Variants in MMRN1 observed in about 807,000 individuals in gnomAD.
MMRN1 encodes the protein multimerin 1, also known as multimerin-1.
Under a neutral mutation model 100.7 loss-of-function variants are expected in MMRN1, and 94 were observed. The observed-to-expected ratio is 0.93, with a 90% CI of 0.79 to 1.11. The LOEUF (loss-of-function observed/expected upper bound fraction) is 1.11, where lower values mean the gene tolerates loss of function less well. MMRN1 is among the 50% of genes least tolerant of loss of function. MMRN1 has a pLI of 0.00. For synonymous variants in MMRN1, 575 were observed against 505.0 expected (o/e 1.14, Z -1.86); for missense variants, 1,606 against 1,439.1 (o/e 1.12, Z -1.88).
At chr4:89,908,903 A>G (rs1041167574) in intron 1 of MMRN1, among the ~76,000 whole-genome samples, 5 of 151,322 alleles carry the variant, frequency 3.3e-5, no homozygotes, top group African/African-American at 1.2e-4. Context: ...CTTATGCTTT[A>G]CTGCACATAA....
In MMRN1 at chr4:89,951,770, C is replaced by T. The variant is rs762523540; in HGVS notation, c.3265+19C>T. On this transcript the variant is annotated intron_variant, in intron 7 of 7. Transcript: ENST00000264790. ...GCTCCAGGTAAAAAAAAAGTATACG[C>T]ATCTTTGGATTTGCTCATTGTCATA... 6.2e-6 allele frequency: 10 copies of T among 1,608,046 alleles called. No individual in the cohort carries two copies. The African/African-American group carries it at 9.4e-5, about 15-fold the overall frequency.
At chr4:89,920,740 C>CT (rs1335192232) in intron 3 of MMRN1, among the ~76,000 whole-genome samples, 1 of 151,852 alleles carries the variant, frequency 6.6e-6, no homozygotes, top group East Asian at 1.9e-4. Context: ...AAGTAGAAAG[C>CT]TTAGCAATTT....
chr4:89,886,824 C>T (rs550382512), intron 1 of MMRN1, among the ~76,000 whole-genome samples: 1 of 151,942 alleles, frequency 6.6e-6, no homozygotes, highest in Non-Finnish European at 1.5e-5. Context: ...GGATATTGAT[C>T]ACCTGAAATG....
At position 89,928,645 on chromosome 4, in the gene MMRN1, G is replaced by A. The variant is rs1288176970; in HGVS notation, c.1129+677G>A. 2.0e-5 allele frequency among the ~76,000 whole-genome samples: 3 copies of A among 152,054 alleles called. No individual in the cohort carries two copies. In the South Asian group the frequency reaches 6.2e-4, roughly 32 times the overall value. ...GGACTGAGGTCTCTGTTTTCTTGAT[G>A]TCTGTAAACTGAGGCCCATTCCCAG... On this transcript the variant is annotated intron_variant, in intron 5 of 7. Transcript: ENST00000264790.
Position 89,889,523 on chromosome 4 carries a change from C to G in MMRN1, c.-248-5201C>G, listed in dbSNP as rs145554255. On this transcript the variant is annotated intron_variant, in intron 1 of 8. Transcript: ENST00000394980. ...CAGCCCACAGAATTATTCGAACAAG[C>G]CAGTCACATCCGCCTGTGGGAGCCA... 9.3e-3 allele frequency among the ~76,000 whole-genome samples: 1,413 copies of G among 152,204 alleles called. 8 individuals carry two copies. The highest frequency in any genetic ancestry group is 0.02 in the Middle Eastern group (6 of 294).
At chr4:89,933,452 A>T (rs1722504455) in intron 5 of MMRN1, among the ~76,000 whole-genome samples, 1 of 151,826 alleles carries the variant, frequency 6.6e-6, no homozygotes, top group Non-Finnish European at 1.5e-5. Context: ...ACCATACCCC[A>T]CTCTGTTGGT....
intron 1 of MMRN1, among the ~76,000 whole-genome samples, chr4:89,906,263 A>G (rs1431649566): frequency 1.3e-5 from 2 of 151,576 alleles, no homozygotes; most frequent in Non-Finnish European, 3.0e-5. Flanking sequence ...AGTTTTATGA[A>G]TCATAATAGA....
chr4:89,949,940 G>A (rs1029938753), intron 6 of MMRN1, among the ~76,000 whole-genome samples: 12 of 152,172 alleles, frequency 7.9e-5, no homozygotes, highest in African/African-American at 2.4e-4. Flanking sequence ...CACCTGGTTT[G>A]AAATGAGTGG....
At chr4:89,902,751 A>G (rs1388003138) in intron 1 of MMRN1, among the ~76,000 whole-genome samples, 1 of 152,016 alleles carries the variant, frequency 6.6e-6, no homozygotes, top group Admixed American at 6.6e-5. Context: ...TTCTTCTTAA[A>G]GTCTAAATTA....
chr4:89,922,802 G>T (rs1722131448), intron 3 of MMRN1, among the ~76,000 whole-genome samples: 1 of 152,102 alleles, frequency 6.6e-6, no homozygotes, highest in South Asian at 2.1e-4. Flanking sequence ...AGCCTTTGTG[G>T]CAGTCCACTT....
At chr4:89,922,323 T>C (rs1265744521) in intron 3 of MMRN1, among the ~76,000 whole-genome samples, 1 of 152,026 alleles carries the variant, frequency 6.6e-6, no homozygotes, top group Non-Finnish European at 1.5e-5. Flanking sequence ...GCCAGGCTGG[T>C]CTTGAGCTCC....
At chr4:89,926,025 T>C (rs541321508) in intron 4 of MMRN1, among the ~76,000 whole-genome samples, 1 of 152,328 alleles carries the variant, frequency 6.6e-6, no homozygotes, top group East Asian at 1.9e-4. Flanking sequence ...TCCATTCATC[T>C]GTTGATGGTC....
chr4:89,922,235 G>T (rs970209089), intron 3 of MMRN1, among the ~76,000 whole-genome samples: 3 of 151,996 alleles, frequency 2.0e-5, no homozygotes, highest in Admixed American at 2.0e-4. Flanking sequence ...CTCCCAAGTA[G>T]CTGGAATTAC....
chr4:89,931,357 A>G (rs1304133760), intron 5 of MMRN1, among the ~76,000 whole-genome samples: 1 of 152,160 alleles, frequency 6.6e-6, no homozygotes, highest in African/African-American at 2.4e-5. Context: ...AAACTTACTT[A>G]CAAAATGGAG....
chr4:89,906,834 G>A (rs1721579233), intron 1 of MMRN1, among the ~76,000 whole-genome samples: 1 of 151,438 alleles, frequency 6.6e-6, no homozygotes, highest in African/African-American at 2.4e-5. Context: ...TGAGCAGTCT[G>A]CTGATCTGCT....
At chr4:89,906,554 G>C (rs571021342) in intron 1 of MMRN1, among the ~76,000 whole-genome samples, 1 of 151,576 alleles carries the variant, frequency 6.6e-6, no homozygotes, top group East Asian at 1.9e-4. Flanking sequence ...AGTCTAGAAA[G>C]GTACAAAGGA....
Position 89,895,370 on chromosome 4 carries a change from C to T in MMRN1, c.399C>T (p.Val133=), listed in dbSNP as rs2110578714. The T allele has an allele frequency of 6.2e-7, 1 of 1,613,836 alleles. No homozygotes were observed. Among genetic ancestry groups the T allele is most frequent in the Admixed American group, 1.7e-5 (1 of 59,992 alleles). ...TCAATCCTGGAGCAGAATCAGTGGT[C>T]CTTTCCAATTCTACACTGAAATTTC... ...IKFNPGAESV[V]LSNSTLKFLQ... The change falls in exon 1 of 8, where the codon GTC becomes GTT. Residue 133 remains valine, a synonymous_variant. Transcript: ENST00000264790.
chr4:89,888,965 TTTTA>T lies in MMRN1; in HGVS notation c.-248-5755_-248-5752del, dbSNP rs1305083998. ...TGACCATGAATTACATTTTCTTATTTTTTATTTGTCTTACAATTTTTATTGTATG... is the reference window on the plus strand; with the variant it reads ...TGACCATGAATTACATTTTCTTATTTTTTGTCTTACAATTTTTATTGTATG... On this transcript the variant is annotated intron_variant, in intron 1 of 8. Coordinates refer to the MMRN1 transcript ENST00000394980. 8.5e-5 allele frequency among the ~76,000 whole-genome samples: 13 copies of T among 152,236 alleles called. No individual in the cohort carries two copies. The South Asian group carries it at 1.7e-3, about 19-fold the overall frequency.
chr4:89,924,835 T>G (rs1463548158), intron 4 of MMRN1, among the ~76,000 whole-genome samples: 1 of 152,080 alleles, frequency 6.6e-6, no homozygotes, highest in Non-Finnish European at 1.5e-5. Flanking sequence ...AGAGCGAGAC[T>G]GTCTCAAAAA....
Sources: gnomAD v4.1 joint callset for allele counts (sites outside exome capture counted in the v4.1 genomes callset) on GRCh38, gnomAD v4.1.1 for gene constraint, MANE v1.5 for transcripts, NCBI Gene and HGNC (gene_info 2026-07-23, HGNC 2026-07-21) for gene names.